FAM222B: variants seen among roughly 807,000 people sequenced by gnomAD.
FAM222B encodes protein FAM222B.
In FAM222B, 12 loss-of-function variants were observed where a neutral mutation model predicts 38.0. The ratio of observed to expected loss-of-function variants is 0.32; its 90% CI spans 0.20 to 0.51. The LOEUF (loss-of-function observed/expected upper bound fraction) is 0.51, where lower values mean the gene tolerates loss of function less well. Ranked by LOEUF, FAM222B falls within the 20% of genes least tolerant of loss-of-function variation. The pLI is 0.97. For missense variants in FAM222B, 716 were observed against 754.2 expected, an observed-to-expected ratio of 0.95 and a Z score of 0.59; for synonymous variants, 329 against 317.2, an observed-to-expected ratio of 1.04 and a Z score of -0.40.
upstream of FAM222B, among the ~76,000 whole-genome samples, chr17:28,846,373 T>C (rs74661539): frequency 6.2e-4 from 94 of 151,026 alleles, no homozygotes; most frequent in East Asian, 0.016. Context: ...CTCAAAAAAA[T>C]TTTTTTAATT....
At chr17:28,833,454 T>C (rs183146450) in intron 1 of FAM222B, among the ~76,000 whole-genome samples, 24 of 146,434 alleles carry the variant, frequency 1.6e-4, no homozygotes, top group African/African-American at 5.6e-4. Flanking sequence ...CCGTCTCTAC[T>C]AAAAATACAA....
At position 28,775,653 on chromosome 17, in the gene FAM222B, C is replaced by T. The variant is rs763857352; in HGVS notation, c.-40-8946G>A. ...CCCAGCACTTCGGGAGGCTGAGGTG[C>T]GTGGATCACTTGAGGTCAGGAGTTC... On this transcript the variant is annotated intron_variant, in intron 1 of 2. Coordinates refer to ENST00000581407, the MANE Select transcript of FAM222B (RefSeq NM_001077498.3). Among the ~76,000 whole-genome samples the T allele has an allele frequency of 2.0e-5, 3 of 151,506 alleles. No individual in the cohort carries two copies. In the East Asian group the frequency reaches 5.8e-4, roughly 30 times the overall value.
chr17:28,851,672 T>A (rs2039182139), intron 1 of FAM222B, among the ~76,000 whole-genome samples: 1 of 151,910 alleles, frequency 6.6e-6, no homozygotes, highest in South Asian at 2.1e-4. Flanking sequence ...GGTCAGGAGT[T>A]TGAGACCAGC....
rs111951676 is a variant in FAM222B at position 28,809,167 on chromosome 17, A to G, written c.-41+33515T>C. Among the ~76,000 whole-genome samples the G allele has an allele frequency of 7.3e-3, 1,119 of 152,266 alleles. 17 individuals are homozygous for G. Among genetic ancestry groups the G allele is most frequent in the African/African-American group, 0.025 (1,048 of 41,538 alleles). On this transcript the variant is annotated intron_variant, in intron 1 of 2. Coordinates refer to ENST00000581407, the MANE Select transcript of FAM222B (RefSeq NM_001077498.3). Reference sequence around the variant, plus strand: ...TCAGTTTGAGACCACCCTGGCCAACATGGTGAAACCCTGTCTCTACTGAAA... The same window carrying G: ...TCAGTTTGAGACCACCCTGGCCAACGTGGTGAAACCCTGTCTCTACTGAAA...
intron 1 of FAM222B, among the ~76,000 whole-genome samples, chr17:28,851,522 G>GAACA (rs1400878066): frequency 6.6e-6 from 1 of 151,566 alleles, no homozygotes; most frequent in African/African-American, 2.4e-5. Flanking sequence ...AGTCTCAAAC[G>GAACA]AACAAACAAA....
In FAM222B at chr17:28,780,566, G is replaced by A. The variant is rs189313471; in HGVS notation, c.-40-13859C>T. On this transcript the variant is annotated intron_variant, in intron 1 of 2. Coordinates refer to ENST00000581407, the MANE Select transcript of FAM222B (RefSeq NM_001077498.3). ...AATAAATTTATTCAAAGAGGTGAAA[G>A]ACCCATACACTAATAAGTATAAAAT... 9.9e-5 allele frequency among the ~76,000 whole-genome samples: 15 copies of A among 151,752 alleles called. 1 individual carries two copies. Among genetic ancestry groups the A allele is most frequent in the Middle Eastern group, 3.4e-3 (1 of 294 alleles).
chr17:28,758,747 C>G lies in FAM222B; in HGVS notation c.1212G>C (p.Val404=), dbSNP rs1250616340. 2 of 1,576,972 alleles carry G rather than the reference C, an allele frequency of 1.3e-6. No homozygotes were observed. Among genetic ancestry groups the G allele is most frequent in the African/African-American group, 2.7e-5 (2 of 74,250 alleles). The change falls in exon 3 of 3, where the codon GTG becomes GTC. Residue 404 remains valine (V), a synonymous_variant. Coordinates refer to ENST00000581407, the MANE Select transcript of FAM222B (RefSeq NM_001077498.3). The part of the protein sequence containing the change: ...AGRELAGPGF[V]GKAPAYPQEL... ...CCTGCGGGTAGGCAGGGGCCTTGCC[C>G]ACAAAGCCAGGCCCTGCCAACTCGC... is the stretch of plus-strand genomic sequence containing the variant.
At chr17:28,817,509 T>G (rs1203671921) in intron 1 of FAM222B, among the ~76,000 whole-genome samples, 1 of 151,812 alleles carries the variant, frequency 6.6e-6, no homozygotes, top group African/African-American at 2.4e-5. Flanking sequence ...CTACCTGAGG[T>G]CAGGAGTTCG....
chr17:28,789,315 A>AGCCTCATGAGTAGCTGGGATT (rs749000012), intron 1 of FAM222B, among the ~76,000 whole-genome samples: 12 of 151,278 alleles, frequency 7.9e-5, no homozygotes, highest in Admixed American at 1.3e-4. Flanking sequence ...TCTCTGTCTC[A>AGCCTCATGAGTAGCTGGGATT]GCCTCATGAG....
chr17:28,827,969 C>A (rs780736920), intron 1 of FAM222B, among the ~76,000 whole-genome samples: 1 of 151,816 alleles, frequency 6.6e-6, no homozygotes, highest in Non-Finnish European at 1.5e-5. Context: ...AAGGTCTCAT[C>A]CAAGAATTTG....
chr17:28,775,884 A>G (rs1197110835), intron 1 of FAM222B, among the ~76,000 whole-genome samples: 1 of 151,010 alleles, frequency 6.6e-6, no homozygotes, highest in East Asian at 1.9e-4. Context: ...CCATCTCCAA[A>G]AAAAAAAACA....
chr17:28,810,836 A>AT (rs1346098586), intron 1 of FAM222B, among the ~76,000 whole-genome samples: 1 of 152,142 alleles, frequency 6.6e-6, no homozygotes, highest in Non-Finnish European at 1.5e-5. Context: ...CATTATCCCT[A>AT]TTTTTTATAA....
At chr17:28,821,973 T>C (rs1464386885) in intron 1 of FAM222B, among the ~76,000 whole-genome samples, 1 of 151,138 alleles carries the variant, frequency 6.6e-6, no homozygotes, top group Non-Finnish European at 1.5e-5. Flanking sequence ...TCAAAATAAA[T>C]AAACAAATAA....
rs189294192 is a variant in FAM222B at position 28,779,884 on chromosome 17, C to T, written c.-40-13177G>A. 7.7e-4 allele frequency among the ~76,000 whole-genome samples: 117 copies of T among 152,082 alleles called. 1 individual carries two copies. The highest frequency in any genetic ancestry group is 2.6e-3 in the African/African-American group (107 of 41,500). On this transcript the variant is annotated intron_variant, in intron 1 of 2. Coordinates refer to ENST00000581407, the MANE Select transcript of FAM222B (RefSeq NM_001077498.3). ...TACCTCAATACATAAAGGCCATATACGACAAGACTTCAGCTAACATCATAC... is the reference window on the plus strand; with the variant it reads ...TACCTCAATACATAAAGGCCATATATGACAAGACTTCAGCTAACATCATAC...
chr17:28,836,878 GC>G (rs2038862887), intron 1 of FAM222B, among the ~76,000 whole-genome samples: 1 of 152,082 alleles, frequency 6.6e-6, no homozygotes, highest in South Asian at 2.1e-4. Context: ...AGAGGGGTGG[GC>G]TCCTCCCTTA....
chr17:28,790,884 C>CTTTTTTT lies in FAM222B; in HGVS notation c.-40-24184_-40-24178dup, dbSNP rs60664262. The stretch of plus-strand genomic sequence containing the variant: ...GTTCTATATATTTCAAATTGTTTCA[C>CTTTTTTT]TTTTTTTTTTTTTTTTTTTTTTTTT... On this transcript the variant is annotated intron_variant, in intron 1 of 2. Transcript: ENST00000581407. Among the ~76,000 whole-genome samples, 104 of 86,056 alleles carry CTTTTTTT rather than the reference C, an allele frequency of 1.2e-3. 6 individuals are homozygous for CTTTTTTT. The highest frequency in any genetic ancestry group is 5.6e-3 in the East Asian group (16 of 2,846). 56.5% of individuals were successfully genotyped at this position (86,056 alleles called of 152,430 possible). A position where few individuals can be genotyped will look rare whatever the true frequency, so the allele number is the denominator to read the frequency against.
intron 1 of FAM222B, among the ~76,000 whole-genome samples, chr17:28,852,648 T>C (rs554933489): frequency 1.3e-5 from 2 of 152,062 alleles, no homozygotes; most frequent in South Asian, 4.2e-4. Context: ...AATAAAATTT[T>C]CCTCTTAAAA....
At chr17:28,802,056 T>A (rs2037258325) in intron 1 of FAM222B, among the ~76,000 whole-genome samples, 1 of 150,484 alleles carries the variant, frequency 6.6e-6, no homozygotes. Context: ...ATTGTTCAGG[T>A]AATATCTTCC....
At chr17:28,853,683 C>T (rs1386732138) in intron 1 of FAM222B, among the ~76,000 whole-genome samples, 1 of 152,176 alleles carries the variant, frequency 6.6e-6, no homozygotes, top group African/African-American at 2.4e-5. Context: ...GTTTTGTTCA[C>T]TGATGTATTC....
Sources: allele counts gnomAD v4.1 joint callset (sites outside exome capture counted in the v4.1 genomes callset), GRCh38; gene constraint gnomAD v4.1.1; transcripts MANE v1.5; gene names NCBI Gene and HGNC (gene_info 2026-07-23, HGNC 2026-07-21).